Variants in PDE3B observed in about 807,000 individuals in gnomAD.
PDE3B encodes cGMP-inhibited 3',5'-cyclic phosphodiesterase 3B.
PDE3B carries 66 observed loss-of-function variants against 116.8 expected under a neutral mutation model. The observed-to-expected ratio is 0.56, with a 90% CI of 0.46 to 0.69. The LOEUF (loss-of-function observed/expected upper bound fraction) is 0.69, where lower values mean the gene tolerates loss of function less well. Ranked by LOEUF, PDE3B falls within the 30% of genes least tolerant of loss-of-function variation. The pLI is 0.00. For missense variants in PDE3B, 1,384 were observed against 1,368.1 expected (o/e 1.01, Z -0.18); for synonymous variants, 595 against 533.6 (o/e 1.12, Z -1.59).
intron 13 of PDE3B, 65 bp from the exon 14 acceptor site, chr11:14,861,140 C>A (rs1208165590): frequency 2.3e-6 from 3 of 1,279,398 alleles, no homozygotes; most frequent in Non-Finnish European, 3.3e-6. Context: ...TTGGTAAAAG[C>A]AAACAAAACA....
the PDE3B span, among the ~76,000 whole-genome samples, chr11:14,889,107 A>T: frequency 1.3e-5 from 2 of 152,140 alleles, no homozygotes; most frequent in Non-Finnish European, 2.9e-5. Flanking sequence ...TTCACAGACT[A>T]ACACAAAGGC....
At position 14,786,544 on chromosome 11, in the gene PDE3B, T is replaced by C. The variant is rs1201222964; in HGVS notation, c.1137T>C (p.Ser379=). ...DPSLPPQVIS[S]LRSISSLMGA... Reference sequence around the variant, plus strand: ...GCCTTCCACCACAAGTCATTTCCTCTCTACGGAGTATTAGTAGCTTAATGG... The same window carrying C: ...GCCTTCCACCACAAGTCATTTCCTCCCTACGGAGTATTAGTAGCTTAATGG... The change falls in exon 3 of 16, where the codon TCT becomes TCC. Residue 379 remains serine, a synonymous_variant. Coordinates refer to ENST00000282096, the MANE Select transcript of PDE3B (RefSeq NM_000922.4). The C allele has an allele frequency of 1.2e-6, 2 of 1,613,282 alleles. No homozygotes were observed. The highest frequency in any genetic ancestry group is 1.3e-5 in the African/African-American group (1 of 74,872).
intron 3 of PDE3B, among the ~76,000 whole-genome samples, chr11:14,787,463 T>G (rs567297529): frequency 6.6e-6 from 1 of 152,086 alleles, no homozygotes; most frequent in South Asian, 2.1e-4. Context: ...TTTTGTCAAT[T>G]GTAATAATGC....
intron 1 of PDE3B, among the ~76,000 whole-genome samples, chr11:14,716,425 A>T (rs1200363379): frequency 6.6e-6 from 1 of 151,356 alleles, no homozygotes; most frequent in African/African-American, 2.4e-5. Context: ...ACCACAGCTC[A>T]AGGAGGCCTG....
chr11:14,786,541 C>A lies in PDE3B; in HGVS notation c.1134C>A (p.Ser378=). Residue 378 remains serine (S), a synonymous_variant, in exon 3 of 16, where the codon TCC becomes TCA. Transcript: ENST00000282096. The part of the protein sequence containing the change: ...TDPSLPPQVI[S]SLRSISSLMG... ...CAAGCCTTCCACCACAAGTCATTTC[C>A]TCTCTACGGAGTATTAGTAGCTTAA... is the stretch of plus-strand genomic sequence containing the variant. The A allele has an allele frequency of 6.2e-7, 1 of 1,613,286 alleles. No homozygotes were observed. The highest frequency in any genetic ancestry group is 8.5e-7 in the Non-Finnish European group (1 of 1,179,436).
intron 12 of PDE3B, among the ~76,000 whole-genome samples, chr11:14,846,160 C>T (rs1434108012): frequency 6.6e-6 from 1 of 152,164 alleles, no homozygotes. Flanking sequence ...ACTCTACAAG[C>T]CAGAAGAGAG....
chr11:14,737,989 G>A (rs930042223), intron 1 of PDE3B, among the ~76,000 whole-genome samples: 1 of 152,124 alleles, frequency 6.6e-6, no homozygotes, highest in African/African-American at 2.4e-5. Context: ...TGGTGTATAT[G>A]TGCCACATTT....
chr11:14,835,274 T>C (rs1466658790), intron 11 of PDE3B, among the ~76,000 whole-genome samples, 179 bp downstream of exon 11: 1 of 152,236 alleles, frequency 6.6e-6, no homozygotes. Context: ...TTTTGATGCA[T>C]AATAATGACA....
intron 11 of PDE3B, among the ~76,000 whole-genome samples, chr11:14,840,276 T>C (rs1860181898): frequency 6.6e-6 from 1 of 152,198 alleles, no homozygotes; most frequent in South Asian, 2.1e-4. Flanking sequence ...CAAATAATTA[T>C]TTTCCTTTCT....
intron 1 of PDE3B, among the ~76,000 whole-genome samples, chr11:14,660,360 G>C (rs1853858906): frequency 6.7e-6 from 1 of 150,114 alleles, no homozygotes; most frequent in Non-Finnish European, 1.5e-5. Context: ...GGAGTGCAAT[G>C]GCATGATCTC....
chr11:14,869,635 T>C lies in PDE3B; in HGVS notation c.3314T>C (p.Ile1105Thr), dbSNP rs1848110434. Residue 1105 changes from isoleucine to threonine, a missense_variant, in exon 16 of 16, where the codon ATT becomes ACT. Transcript: ENST00000282096. ...CCTCAAGCAGATGAGATTCAGGTAATTGAAGAGGCAGATGAAGAGGAATAG... is the reference window on the plus strand; with the variant it reads ...CCTCAAGCAGATGAGATTCAGGTAACTGAAGAGGCAGATGAAGAGGAATAG... ...SLPQADEIQV[I>T]EEADEEE 6.2e-7 allele frequency: 1 copy of C among 1,613,788 alleles called. No homozygotes were observed. The highest frequency in any genetic ancestry group is 1.1e-5 in the South Asian group (1 of 91,064).
intron 1 of PDE3B, among the ~76,000 whole-genome samples, chr11:14,725,256 GTTCT>G (rs199954343): frequency 0.019 from 2,876 of 150,950 alleles, 88 homozygotes; most frequent in African/African-American, 0.066. Context: ...TCTTTCTTTC[GTTCT>G]TTCTTTCTCT....
At position 14,870,345 on chromosome 11, in the gene PDE3B, A is replaced by G. The variant is rs1848122914; in HGVS notation, c.*685A>G. ...TCTGCTGAGAGTATTCAGGTTTGCC[A>G]TGGACATCAGAAGTTTGAATTCCAG... On this transcript the variant is annotated 3_prime_UTR_variant, in exon 16 of 16. Coordinates refer to ENST00000282096, the MANE Select transcript of PDE3B (RefSeq NM_000922.4). The surrounding 1 kb of genome is among the most constrained non-coding windows in gnomAD (Gnocchi z 4.1). 1 of 152,644 alleles carries G rather than the reference A, an allele frequency of 6.6e-6. No individual in the cohort carries two copies. Among genetic ancestry groups the G allele is most frequent in the African/African-American group, 2.4e-5 (1 of 41,462 alleles). The allele number at this position is 152,644 out of a possible 1,614,324, so 9.5% of individuals were successfully genotyped here.
intron 1 of PDE3B, among the ~76,000 whole-genome samples, chr11:14,652,674 CATTAA>C (rs1853602520): frequency 6.6e-6 from 1 of 152,132 alleles, no homozygotes; most frequent in African/African-American, 2.4e-5. Flanking sequence ...ACTCTATACT[CATTAA>C]ATAACAACTA....
the PDE3B span, among the ~76,000 whole-genome samples, chr11:14,884,346 C>A: frequency 6.6e-6 from 1 of 151,930 alleles, no homozygotes; most frequent in Non-Finnish European, 1.5e-5. Flanking sequence ...GAATACTATG[C>A]AGCCATAAAA....
chr11:14,891,228 A>G, the PDE3B span: 3 of 985,112 alleles, frequency 3.0e-6, no homozygotes, highest in Non-Finnish European at 3.6e-6. Flanking sequence ...CAGAATGAGG[A>G]GGAGCGAAGT....
intron 5 of PDE3B, among the ~76,000 whole-genome samples, chr11:14,810,479 C>T (rs1177175011): frequency 6.6e-6 from 1 of 151,948 alleles, no homozygotes; most frequent in Non-Finnish European, 1.5e-5. Context: ...CATCCATGTC[C>T]CTACAAAGGA....
intron 14 of PDE3B, among the ~76,000 whole-genome samples, chr11:14,863,516 G>A (rs118037158): frequency 0.025 from 3,816 of 152,240 alleles, 73 homozygotes; most frequent in Middle Eastern, 0.058. Flanking sequence ...ATTCCCCAGG[G>A]TTGAAATGAA....
At chr11:14,674,381 C>A in intron 1 of PDE3B, 1 of 703,100 alleles carries the variant, frequency 1.4e-6, no homozygotes, top group Non-Finnish European at 2.6e-6. Flanking sequence ...ACTCTGCTCT[C>A]TGGAACCCAC....
Sources: allele counts gnomAD v4.1 joint callset (sites outside exome capture counted in the v4.1 genomes callset), GRCh38; gene constraint gnomAD v4.1.1; non-coding constraint Gnocchi (gnomAD v3.1); transcripts MANE v1.5; gene names NCBI Gene and HGNC (gene_info 2026-07-23, HGNC 2026-07-21).